Variants in TMEM163 observed in about 807,000 individuals in gnomAD.
TMEM163 encodes transmembrane protein 163.
In TMEM163, 17 loss-of-function variants were observed where a neutral mutation model predicts 29.3. The ratio of observed to expected loss-of-function variants is 0.58; its 90% CI spans 0.40 to 0.87. TMEM163 has a LOEUF of 0.87. TMEM163 is among the 40% of genes least tolerant of loss of function. The pLI, the probability that TMEM163 is intolerant of heterozygous loss-of-function variation, is 0.00. For synonymous variants in TMEM163, 157 were observed against 160.6 expected, an observed-to-expected ratio of 0.98 and a Z score of 0.17; for missense variants, 303 against 381.5, an observed-to-expected ratio of 0.79 and a Z score of 1.71.
intron 2 of TMEM163, among the ~76,000 whole-genome samples, chr2:134,648,055 C>T (rs548837895): frequency 6.6e-6 from 1 of 152,196 alleles, no homozygotes; most frequent in East Asian, 1.9e-4. Flanking sequence ...TCTTGTCCAG[C>T]GTCCAGGAGG....
Position 134,664,720 on chromosome 2 carries a change from A to T in TMEM163, c.322+48480T>A, listed in dbSNP as rs187684385. ...CAGGGGGATACAGGCCACCACCAGA[A>T]GCTGGAAGGGGCAACGAATGGCGGA... On this transcript the variant is annotated intron_variant, in intron 2 of 7. Transcript: ENST00000281924. 1.6e-3 allele frequency among the ~76,000 whole-genome samples: 240 copies of T among 152,296 alleles called. 4 individuals are homozygous for T. Among genetic ancestry groups the T allele is most frequent in the Non-Finnish European group, 2.1e-4 (14 of 68,012 alleles).
chr2:134,636,179 C>A (rs187168609), intron 2 of TMEM163, among the ~76,000 whole-genome samples: 1 of 152,172 alleles, frequency 6.6e-6, no homozygotes, highest in African/African-American at 2.4e-5. Context: ...CTGTGTCCAC[C>A]ACACCACACC....
At chr2:134,677,642 C>A (rs142222839) in intron 2 of TMEM163, among the ~76,000 whole-genome samples, 2 of 152,210 alleles carry the variant, frequency 1.3e-5, no homozygotes, top group East Asian at 1.9e-4. Context: ...CATAGCTATA[C>A]GTTTCTTAAA....
At position 134,540,727 on chromosome 2, in the gene TMEM163, T is replaced by A. The variant is rs1026624502; in HGVS notation, c.458+9843A>T. 3.9e-5 allele frequency among the ~76,000 whole-genome samples: 6 copies of A among 152,332 alleles called. No individual in the cohort carries two copies. The East Asian group carries it at 1.2e-3, about 29-fold the overall frequency. On this transcript the variant is annotated intron_variant, in intron 4 of 7. Transcript: ENST00000281924. Reference sequence around the variant, plus strand: ...CAAACTTTACCTTCTCCACCAGGTGTTAAATAATACCTCTACTTAACAGAG... The same window carrying A: ...CAAACTTTACCTTCTCCACCAGGTGATAAATAATACCTCTACTTAACAGAG...
At chr2:134,528,543 G>T (rs1236556475) in intron 4 of TMEM163, among the ~76,000 whole-genome samples, 1 of 152,140 alleles carries the variant, frequency 6.6e-6, no homozygotes, top group Non-Finnish European at 1.5e-5. Flanking sequence ...ACTAAACTCT[G>T]GTTAGACAAA....
At position 134,532,542 on chromosome 2, in the gene TMEM163, A is replaced by G. The variant is rs557693871; in HGVS notation, c.458+18028T>C. On this transcript the variant is annotated intron_variant, in intron 4 of 7. Transcript: ENST00000281924. The stretch of plus-strand genomic sequence containing the variant: ...TGGATCCAATAATAAGGAAACATGT[A>G]TTTTATCCTGAACATGCTTGCTACT... Among the ~76,000 whole-genome samples, 87 of 152,332 alleles carry G rather than the reference A, an allele frequency of 5.7e-4. 1 individual carries two copies. Among genetic ancestry groups the G allele is most frequent in the Non-Finnish European group, 1.1e-3 (77 of 68,032 alleles).
chr2:134,642,002 G>A (rs1029557568), intron 2 of TMEM163, among the ~76,000 whole-genome samples: 1 of 152,086 alleles, frequency 6.6e-6, no homozygotes. Context: ...ATTACATAAC[G>A]GTGAAGGGTC....
chr2:134,637,234 C>T (rs561787212), intron 2 of TMEM163, among the ~76,000 whole-genome samples: 3 of 152,218 alleles, frequency 2.0e-5, no homozygotes, highest in Non-Finnish European at 4.4e-5. Context: ...ATTCTCCCCA[C>T]GGCTGCATGG....
intron 4 of TMEM163, among the ~76,000 whole-genome samples, chr2:134,526,407 CACATCCTACA>C (rs1680301045): frequency 1.3e-5 from 2 of 152,122 alleles, no homozygotes; most frequent in South Asian, 4.1e-4. Flanking sequence ...AACACAATTC[CACATCCTACA>C]GCACCACTAA....
At chr2:134,681,397 C>T (rs1039663321) in intron 2 of TMEM163, among the ~76,000 whole-genome samples, 2 of 152,214 alleles carry the variant, frequency 1.3e-5, no homozygotes, top group African/African-American at 4.8e-5. Flanking sequence ...AACCGCATTC[C>T]AGTGTCCCGG....
At chr2:134,537,464 T>C (rs1160945865) in intron 4 of TMEM163, among the ~76,000 whole-genome samples, 1 of 152,160 alleles carries the variant, frequency 6.6e-6, no homozygotes, top group Non-Finnish European at 1.5e-5. Context: ...CTTCTCATCA[T>C]GGCACTAATC....
At chr2:134,505,974 T>TC (rs1196884671) in intron 4 of TMEM163, among the ~76,000 whole-genome samples, 1 of 151,672 alleles carries the variant, frequency 6.6e-6, no homozygotes, top group East Asian at 1.9e-4. Context: ...GATCGTAAGC[T>TC]CCCCCCATGG....
chr2:134,461,645 G>C (rs1686539564), intron 6 of TMEM163, among the ~76,000 whole-genome samples: 1 of 152,236 alleles, frequency 6.6e-6, no homozygotes, highest in Non-Finnish European at 1.5e-5. Flanking sequence ...CGCACAGGGT[G>C]AAGTGGGGAA....
chr2:134,509,962 G>C (rs1679912279), intron 4 of TMEM163, among the ~76,000 whole-genome samples: 1 of 152,200 alleles, frequency 6.6e-6, no homozygotes, highest in African/African-American at 2.4e-5. Flanking sequence ...ACACAGCACT[G>C]TGGGGCCCTA....
chr2:134,661,505 G>A (rs16830865), intron 2 of TMEM163, among the ~76,000 whole-genome samples: 16,323 of 152,240 alleles, frequency 0.11, 1,067 homozygotes, highest in African/African-American at 0.17. Context: ...GCACCATTAC[G>A]AAGTGTTTCT....
chr2:134,511,770 C>T (rs1161937096), intron 4 of TMEM163, among the ~76,000 whole-genome samples: 1 of 152,194 alleles, frequency 6.6e-6, no homozygotes, highest in Non-Finnish European at 1.5e-5. Context: ...ATCTAAAAAC[C>T]TTGCTACTTT....
chr2:134,591,351 G>C (rs531716202), intron 2 of TMEM163, among the ~76,000 whole-genome samples: 1 of 152,154 alleles, frequency 6.6e-6, no homozygotes, highest in South Asian at 2.1e-4. Flanking sequence ...GCTGGTGGGA[G>C]TGTAGCAGTG....
intron 2 of TMEM163, among the ~76,000 whole-genome samples, chr2:134,592,465 T>C (rs1681958240): frequency 1.3e-5 from 2 of 152,214 alleles, no homozygotes; most frequent in African/African-American, 4.8e-5. Context: ...AGTGATACTA[T>C]ACCAGAGTCA....
At chr2:134,695,802 T>A (rs538505930) in intron 2 of TMEM163, among the ~76,000 whole-genome samples, 127 of 152,230 alleles carry the variant, frequency 8.3e-4, no homozygotes, top group African/African-American at 2.9e-3. Flanking sequence ...AGCTCATGCC[T>A]GTAATTGGGA....
Sources: gnomAD v4.1 joint callset for allele counts (sites outside exome capture counted in the v4.1 genomes callset) on GRCh38, gnomAD v4.1.1 for gene constraint, MANE v1.5 for transcripts, NCBI Gene and HGNC (gene_info 2026-07-23, HGNC 2026-07-21) for gene names.